AGBL4: variants seen among roughly 807,000 people sequenced by gnomAD.
AGBL4 encodes the protein cytosolic carboxypeptidase 6.
AGBL4 carries 58 observed loss-of-function variants against 66.4 expected under a neutral mutation model. That is an observed-to-expected ratio of 0.87 (90% CI 0.71 to 1.09). The LOEUF is 1.09. Ranked by LOEUF, AGBL4 falls within the 50% of genes least tolerant of loss-of-function variation. The pLI, the probability that AGBL4 is intolerant of heterozygous loss-of-function variation, is 0.00. For missense variants in AGBL4, 579 were observed against 631.0 expected (o/e 0.92, Z 0.88); for synonymous variants, 234 against 222.9 (o/e 1.05, Z -0.44).
chr1:49,044,543 A>G (rs894569078), intron 5 of AGBL4, among the ~76,000 whole-genome samples: 4 of 151,644 alleles, frequency 2.6e-5, no homozygotes, highest in Admixed American at 6.6e-5. Flanking sequence ...ATGATGCAAC[A>G]CTCCCCAACC....
At chr1:49,958,243 G>A (rs1368280017) in intron 1 of AGBL4, among the ~76,000 whole-genome samples, 3 of 152,036 alleles carry the variant, frequency 2.0e-5, no homozygotes, top group African/African-American at 7.2e-5. Flanking sequence ...TTAGTCTGAT[G>A]GGCTTTCCTC....
intron 5 of AGBL4, among the ~76,000 whole-genome samples, chr1:48,960,534 A>G (rs1657882597): frequency 6.6e-6 from 1 of 152,210 alleles, no homozygotes; most frequent in South Asian, 2.1e-4. Context: ...AAGAGACCAA[A>G]GAACAAGCTC....
chr1:49,396,289 T>C (rs1303148477), intron 3 of AGBL4, among the ~76,000 whole-genome samples: 1 of 150,192 alleles, frequency 6.7e-6, no homozygotes, highest in Non-Finnish European at 1.5e-5. Context: ...CCCTGTAACA[T>C]ACATACTTCT....
chr1:48,544,195 A>C (rs2148270098), intron 11 of AGBL4, among the ~76,000 whole-genome samples: 1 of 152,336 alleles, frequency 6.6e-6, no homozygotes. Context: ...AAAGTTCACA[A>C]GCTGGCATTG....
At chr1:49,582,775 C>G (rs890156273) in intron 3 of AGBL4, among the ~76,000 whole-genome samples, 1 of 152,176 alleles carries the variant, frequency 6.6e-6, no homozygotes, top group Non-Finnish European at 1.5e-5. Flanking sequence ...TTTCTGGCCA[C>G]TCCCCAAGTC....
chr1:48,933,218 T>A (rs1432323595), intron 5 of AGBL4, among the ~76,000 whole-genome samples: 2 of 152,186 alleles, frequency 1.3e-5, no homozygotes, highest in Non-Finnish European at 2.9e-5. Flanking sequence ...GTGTATTTGT[T>A]TGTATATATA....
intron 2 of AGBL4, among the ~76,000 whole-genome samples, chr1:49,777,325 C>T (rs1644223660): frequency 6.6e-6 from 1 of 152,044 alleles, no homozygotes; most frequent in South Asian, 2.1e-4. Context: ...TGTAGAAATG[C>T]AGCATTCATT....
At chr1:49,815,672 C>T (rs1645213435) in intron 2 of AGBL4, among the ~76,000 whole-genome samples, 2 of 152,064 alleles carry the variant, frequency 1.3e-5, no homozygotes, top group African/African-American at 4.8e-5. Context: ...TTCTCACCAG[C>T]ATTTTTTATT....
Position 49,172,685 on chromosome 1 carries a change from G to T in AGBL4, c.377+73085C>A, listed in dbSNP as rs138375030. 3.0e-3 allele frequency among the ~76,000 whole-genome samples: 451 copies of T among 152,282 alleles called. 4 individuals are homozygous for T. The highest frequency in any genetic ancestry group is 0.011 in the African/African-American group (438 of 41,556). ...TAGATGAAGCACAGGGTACACAGAA[G>T]AAGATAGTAAAAGATGATGTCTAAA... is the stretch of plus-strand genomic sequence containing the variant. On this transcript the variant is annotated intron_variant, in intron 4 of 13. Coordinates refer to ENST00000371839, the MANE Select transcript of AGBL4 (RefSeq NM_032785.4).
intron 3 of AGBL4, among the ~76,000 whole-genome samples, chr1:49,614,840 T>A (rs1320424032): frequency 6.6e-6 from 1 of 152,120 alleles, no homozygotes; most frequent in Non-Finnish European, 1.5e-5. Context: ...TTATATTACA[T>A]TTTTTTCTGT....
intron 3 of AGBL4, among the ~76,000 whole-genome samples, chr1:49,327,676 T>TA (rs1031813179): frequency 1.3e-5 from 2 of 152,246 alleles, no homozygotes; most frequent in Non-Finnish European, 2.9e-5. Context: ...ATAGAGGTGC[T>TA]AATTCCATTC....
At chr1:48,928,721 AATAGGCATAATTAT>A (rs1276863149) in intron 5 of AGBL4, among the ~76,000 whole-genome samples, 1 of 149,994 alleles carries the variant, frequency 6.7e-6, no homozygotes, top group Non-Finnish European at 1.5e-5. Context: ...TAGGCATAAT[AATAGGCATAATTAT>A]ATAGGCATAA....
At chr1:49,610,851 C>T (rs1006786625) in intron 3 of AGBL4, among the ~76,000 whole-genome samples, 2 of 152,078 alleles carry the variant, frequency 1.3e-5, no homozygotes, top group Non-Finnish European at 2.9e-5. Flanking sequence ...AAAACCATAC[C>T]CAAACCTAGT....
intron 1 of AGBL4, among the ~76,000 whole-genome samples, chr1:49,872,821 G>A (rs776143486): frequency 4.0e-5 from 6 of 151,722 alleles, no homozygotes; most frequent in Non-Finnish European, 7.4e-5. Flanking sequence ...TTGGAGAATT[G>A]GAAAGAAAAA....
intron 11 of AGBL4, among the ~76,000 whole-genome samples, chr1:48,565,621 GTGGGTTAA>G (rs1644464875): frequency 3.9e-5 from 6 of 152,122 alleles, no homozygotes; most frequent in Admixed American, 6.5e-5. Context: ...TTGCAGTTCA[GTGGGTTAA>G]TAGTGCAGGC....
intron 3 of AGBL4, among the ~76,000 whole-genome samples, chr1:49,649,323 A>T (rs1645955404): frequency 6.6e-6 from 1 of 152,198 alleles, no homozygotes; most frequent in African/African-American, 2.4e-5. Context: ...GAATAGCTAT[A>T]TTAATTTCAG....
chr1:49,247,292 G>C (rs1186723606), intron 3 of AGBL4, among the ~76,000 whole-genome samples: 1 of 151,992 alleles, frequency 6.6e-6, no homozygotes, highest in Non-Finnish European at 1.5e-5. Flanking sequence ...TCATGTTTAG[G>C]ACTATAATAA....
Position 49,256,150 on chromosome 1 carries a change from C to G in AGBL4, c.283-10286G>C, listed in dbSNP as rs1652479704. The stretch of plus-strand genomic sequence containing the variant: ...ACAAACTTGCACATCTATCCATCAA[C>G]TTAAAAGTTAAAAAACACAAAAAAT... On this transcript the variant is annotated intron_variant, in intron 3 of 13. Transcript: ENST00000371839. Among the ~76,000 whole-genome samples the G allele has an allele frequency of 4.6e-5, 7 of 151,910 alleles. No individual in the cohort carries two copies. In the South Asian group the frequency reaches 1.5e-3, roughly 32 times the overall value.
intron 3 of AGBL4, among the ~76,000 whole-genome samples, chr1:49,543,278 C>T (rs1452453151): frequency 2.6e-5 from 4 of 152,172 alleles, no homozygotes; most frequent in Non-Finnish European, 5.9e-5. Flanking sequence ...AGGGGATTAA[C>T]CTGGTGGGAA....
Sources: gnomAD v4.1 joint callset for allele counts (sites outside exome capture counted in the v4.1 genomes callset) on GRCh38, gnomAD v4.1.1 for gene constraint, MANE v1.5 for transcripts, NCBI Gene and HGNC (gene_info 2026-07-23, HGNC 2026-07-21) for gene names.